Variants in CHEK1 observed in about 807,000 individuals in gnomAD.
CHEK1 encodes the protein serine/threonine-protein kinase Chk1.
A neutral mutation model predicts 60.2 loss-of-function variants in CHEK1; 32 were observed. The ratio of observed to expected loss-of-function variants is 0.53; its 90% CI spans 0.40 to 0.71. CHEK1 has a LOEUF of 0.71. CHEK1 is among the 30% of genes least tolerant of loss of function. The pLI, the probability that CHEK1 is intolerant of heterozygous loss-of-function variation, is 0.00. For synonymous variants in CHEK1, 179 were observed against 187.2 expected (o/e 0.96, Z 0.36); for missense variants, 399 against 564.6 (o/e 0.71, Z 2.97).
intron 13 of CHEK1, chr11:125,672,824 T>A (rs1942267125): frequency 5.9e-6 from 8 of 1,359,904 alleles, no homozygotes; most frequent in South Asian, 1.5e-5. Context: ...GACCTCCACT[T>A]GTCCATTATC....
chr11:125,625,734 T>A lies in CHEK1; in HGVS notation c.-299T>A, dbSNP rs1316543728. On this transcript the variant is annotated 5_prime_UTR_variant, in exon 1 of 13. Transcript: ENST00000438015. ...GCCTCACACCGGATGCCACTTCATA[T>A]TTGGGCCCAGAGCTCAATTCGCGCC... is the stretch of plus-strand genomic sequence containing the variant. The A allele has an allele frequency of 1.5e-6, 1 of 668,528 alleles. No homozygotes were observed. Among genetic ancestry groups the A allele is most frequent in the Non-Finnish European group, 2.8e-6 (1 of 362,396 alleles). The allele number at this position is 668,528 out of a possible 1,614,324, so 41.4% of individuals were successfully genotyped here. A position where few individuals can be genotyped will look rare whatever the true frequency, so the allele number is the denominator to read the frequency against.
At chr11:125,679,901 T>C (rs1942716969), downstream of CHEK1, among the ~76,000 whole-genome samples, 1 of 152,260 alleles carries the variant, frequency 6.6e-6, no homozygotes, top group African/African-American at 2.4e-5. Context: ...ACATAAATAC[T>C]ATCTACTTGA....
downstream of CHEK1, chr11:125,677,686 A>G: frequency 1.4e-6 from 2 of 1,393,024 alleles, no homozygotes; most frequent in Non-Finnish European, 9.9e-7. Flanking sequence ...CTGTTTGTGA[A>G]GTGTTAACAA....
chr11:125,671,815 T>C (rs1942210682), intron 13 of CHEK1: 1 of 152,242 alleles, frequency 6.6e-6, no homozygotes, highest in African/African-American at 2.4e-5. Flanking sequence ...CTCTGGGATC[T>C]TTCCTGAGGA....
At chr11:125,632,488 A>G (rs1940903591) in intron 5 of CHEK1, among the ~76,000 whole-genome samples, 1 of 152,150 alleles carries the variant, frequency 6.6e-6, no homozygotes. Context: ...AGTCTTCACT[A>G]ATTTATCTAT....
In CHEK1 at chr11:125,665,969, C is replaced by T. The variant is rs184270917; in HGVS notation, c.*28-9959C>T. The stretch of plus-strand genomic sequence containing the variant: ...AACTTTTTGTTTCATTTATCTTATG[C>T]ACTTTTGTCTAAATTTATTTATTTC... On this transcript the variant is annotated intron_variant, in intron 13 of 13. Coordinates refer to the CHEK1 transcript ENST00000428830. Among the ~76,000 whole-genome samples, 27 of 131,516 alleles carry T rather than the reference C, an allele frequency of 2.1e-4. No individual in the cohort carries two copies. In the Admixed American group the frequency reaches 2.2e-3, roughly 11 times the overall value. The allele number at this position is 131,516 out of a possible 152,430, so 86.3% of individuals were successfully genotyped here.
chr11:125,627,717 A>G lies in CHEK1; in HGVS notation c.176A>G (p.Asn59Ser). ...PENIKKEICI[N>S]KMLNHENVVK... ...AATATTAAGAAAGAGATCTGTATCA[A>G]TAAAATGCTAAATCATGAAAATGTA... The change falls in exon 3 of 13, where the codon AAT becomes AGT. Residue 59 changes from asparagine to serine, a missense_variant. By Grantham distance (46) the Asn-to-Ser change is conservative. Transcript: ENST00000438015. 3.1e-6 allele frequency: 5 copies of G among 1,613,864 alleles called. No homozygotes were observed. Among genetic ancestry groups the G allele is most frequent in the South Asian group, 1.1e-5 (1 of 91,074 alleles).
In CHEK1 at chr11:125,656,428, G is replaced by A. The variant is rs1318868650; in HGVS notation, c.*1108G>A. On this transcript the variant is annotated 3_prime_UTR_variant, in exon 13 of 13. Coordinates refer to ENST00000438015, the MANE Select transcript of CHEK1 (RefSeq NM_001114122.3). ...ATCTGAAGCCAAGAACATGTAGAATGTTATGATTAGAGTTTATCACATATT... is the reference window on the plus strand; with the variant it reads ...ATCTGAAGCCAAGAACATGTAGAATATTATGATTAGAGTTTATCACATATT... 4.7e-6 allele frequency: 1 copy of A among 211,084 alleles called. No individual in the cohort carries two copies. Among genetic ancestry groups the A allele is most frequent in the Non-Finnish European group, 9.6e-6 (1 of 104,114 alleles). The allele number at this position is 211,084 out of a possible 1,614,324, so 13.1% of individuals were successfully genotyped here. A position where few individuals can be genotyped will look rare whatever the true frequency, so the allele number is the denominator to read the frequency against.
intron 8 of CHEK1, among the ~76,000 whole-genome samples, chr11:125,640,314 G>T (rs1248818724): frequency 1.3e-5 from 2 of 151,984 alleles, no homozygotes; most frequent in Non-Finnish European, 2.9e-5. Flanking sequence ...GGCCAAGGCG[G>T]GCGGATCACG....
At chr11:125,680,242 G>A (rs1414191594), downstream of CHEK1, among the ~76,000 whole-genome samples, 1 of 152,184 alleles carries the variant, frequency 6.6e-6, no homozygotes, top group Non-Finnish European at 1.5e-5. Context: ...AAGAAGAGAT[G>A]ATACAGAAAA....
chr11:125,673,621 C>G (rs1268156003), intron 13 of CHEK1, among the ~76,000 whole-genome samples: 1 of 152,188 alleles, frequency 6.6e-6, no homozygotes, highest in Non-Finnish European at 1.5e-5. Context: ...TACCAACTAA[C>G]CGATGATCAC....
chr11:125,664,438 T>G (rs1045804338), intron 13 of CHEK1, among the ~76,000 whole-genome samples: 9 of 152,086 alleles, frequency 5.9e-5, no homozygotes, highest in Non-Finnish European at 1.2e-4. Context: ...TTTTACCACG[T>G]TGACCAGGCT....
intron 8 of CHEK1, among the ~76,000 whole-genome samples, chr11:125,639,935 C>T (rs1020237777): frequency 1.3e-5 from 2 of 152,138 alleles, no homozygotes; most frequent in African/African-American, 4.8e-5. Flanking sequence ...ATTAATTTTT[C>T]CTTCTCTACC....
intron 13 of CHEK1, among the ~76,000 whole-genome samples, chr11:125,669,668 C>T (rs1383447745): frequency 2.0e-5 from 3 of 151,638 alleles, no homozygotes; most frequent in Non-Finnish European, 4.4e-5. Flanking sequence ...GGATTACAGG[C>T]GCCCACCACC....
Position 125,644,524 on chromosome 11 carries a change from C to T in CHEK1, c.1114C>T (p.Arg372Trp), listed in dbSNP as rs767367809. The change falls in exon 11 of 13, where the codon CGG becomes TGG. Residue 372 changes from arginine to tryptophan, a missense_variant. By Grantham distance (101) the Arg-to-Trp change is moderately radical (BLOSUM62 -3). Coordinates refer to ENST00000438015, the MANE Select transcript of CHEK1 (RefSeq NM_001114122.3). Reference sequence around the variant, plus strand: ...GTTTGACATGTAGAACCCCTGGCAGCGGTTGGTCAAAAGAATGACACGATT... The same window carrying T: ...GTTTGACATGTAGAACCCCTGGCAGTGGTTGGTCAAAAGAATGACACGATT... ...TPGSSQNPWQRLVKRMTRFFT... is the reference protein window; with the variant it reads ...TPGSSQNPWQWLVKRMTRFFT... 13 of 1,613,524 alleles carry T rather than the reference C, an allele frequency of 8.1e-6. No individual in the cohort carries two copies. In the Admixed American group the frequency reaches 1.0e-4, roughly 12 times the overall value.
intron 13 of CHEK1, chr11:125,672,389 G>C: frequency 1.8e-6 from 1 of 557,330 alleles, no homozygotes; most frequent in South Asian, 3.1e-5. Flanking sequence ...GAGAGAAAGA[G>C]TTGGAGCAGG....
chr11:125,630,380 G>A (rs762285923), intron 5 of CHEK1, among the ~76,000 whole-genome samples: 5 of 150,858 alleles, frequency 3.3e-5, no homozygotes, highest in Non-Finnish European at 7.4e-5. Context: ...ACATGATCTC[G>A]GCTCACTGTA....
At chr11:125,676,531 C>G (rs1325225361), downstream of CHEK1, 28 of 1,607,510 alleles carry the variant, frequency 1.7e-5, no homozygotes, top group East Asian at 6.2e-4. Context: ...AGATGTGTAG[C>G]CTTGATTCAC....
chr11:125,633,406 T>G, intron 6 of CHEK1, 55 bp downstream of exon 6: 1 of 1,319,238 alleles, frequency 7.6e-7, no homozygotes, highest in South Asian at 1.8e-5. Context: ...TTAGTTATAC[T>G]GAAATAAATG....
Sources: allele counts gnomAD v4.1 joint callset (sites outside exome capture counted in the v4.1 genomes callset), GRCh38; gene constraint gnomAD v4.1.1; transcripts MANE v1.5; gene names NCBI Gene and HGNC (gene_info 2026-07-23, HGNC 2026-07-21).